NEDD4L: variants seen among roughly 807,000 people sequenced by gnomAD.
The protein encoded by NEDD4L is NEDD4 like E3 ubiquitin protein ligase, also known as E3 ubiquitin-protein ligase NEDD4-like.
Under a neutral mutation model 148.9 loss-of-function variants are expected in NEDD4L, and 54 were observed. That is an observed-to-expected ratio of 0.36 (90% CI 0.29 to 0.45). NEDD4L has a LOEUF of 0.45. NEDD4L is among the 20% of genes least tolerant of loss of function. The pLI is 1.00. For missense variants in NEDD4L, 856 were observed against 1,233.8 expected (o/e 0.69, Z 4.59); for synonymous variants, 433 against 440.7 (o/e 0.98, Z 0.22).
chr18:58,180,864 T>G (rs2038781470), intron 2 of NEDD4L, among the ~76,000 whole-genome samples: 1 of 152,372 alleles, frequency 6.6e-6, no homozygotes, highest in East Asian at 1.9e-4. Context: ...GTACAGCCTC[T>G]GTCACCTGAA....
At chr18:58,192,707 G>C (rs74466898) in intron 2 of NEDD4L, among the ~76,000 whole-genome samples, 52,514 of 151,772 alleles carry the variant, frequency 0.35, 10,589 homozygotes, top group African/African-American at 0.57. Flanking sequence ...CTGTCTCTTT[G>C]AGGGGAGTTC....
In NEDD4L at chr18:58,108,946, T is replaced by C. The variant is rs1186029583; in HGVS notation, c.49-56842T>C. On this transcript the variant is annotated intron_variant, in intron 1 of 30. Transcript: ENST00000400345. Reference sequence around the variant, plus strand: ...ATGGATGTGGAGGTTCTGTCCAGCATTGTGTCTTTCCCATGATAGGCACTT... The same window carrying C: ...ATGGATGTGGAGGTTCTGTCCAGCACTGTGTCTTTCCCATGATAGGCACTT... 3.9e-5 allele frequency among the ~76,000 whole-genome samples: 6 copies of C among 152,236 alleles called. 1 individual carries two copies. Among genetic ancestry groups the C allele is most frequent in the Non-Finnish European group, 7.3e-5 (5 of 68,044 alleles).
chr18:58,132,848 A>G (rs967625982), intron 1 of NEDD4L, among the ~76,000 whole-genome samples: 3 of 152,216 alleles, frequency 2.0e-5, no homozygotes, highest in Admixed American at 6.5e-5. Flanking sequence ...GTTCAAATGC[A>G]ATGGATGGAA....
intron 5 of NEDD4L, chr18:58,255,969 C>G (rs2048479038): frequency 8.1e-7 from 1 of 1,230,820 alleles, no homozygotes; most frequent in South Asian, 4.1e-5. Flanking sequence ...TGCGGGCCGC[C>G]CGAGGGCGCC....
chr18:58,253,542 C>A (rs1284421982), intron 5 of NEDD4L, among the ~76,000 whole-genome samples: 2 of 152,148 alleles, frequency 1.3e-5, no homozygotes, highest in Non-Finnish European at 2.9e-5. Flanking sequence ...CTCTCCATCT[C>A]TCATCCAGTG....
intron 1 of NEDD4L, among the ~76,000 whole-genome samples, chr18:58,162,650 C>CT (rs1255410470): frequency 3.3e-5 from 5 of 150,852 alleles, no homozygotes; most frequent in East Asian, 1.9e-4. Flanking sequence ...GGCAGGAACT[C>CT]TGTCTTGTTT....
intron 18 of NEDD4L, among the ~76,000 whole-genome samples, chr18:58,353,333 TG>T (rs1274385810): frequency 1.7e-4 from 26 of 152,374 alleles, no homozygotes; most frequent in African/African-American, 6.0e-4. Context: ...GTACAGAGCT[TG>T]ATGCAACTAA....
intron 1 of NEDD4L, among the ~76,000 whole-genome samples, chr18:58,096,771 A>C (rs1011913566): frequency 6.6e-6 from 1 of 152,204 alleles, no homozygotes; most frequent in Non-Finnish European, 1.5e-5. Context: ...AACCAACTCC[A>C]TGCTTATTTG....
At chr18:58,281,818 G>A (rs1329489760) in intron 5 of NEDD4L, among the ~76,000 whole-genome samples, 2 of 152,024 alleles carry the variant, frequency 1.3e-5, no homozygotes, top group Non-Finnish European at 2.9e-5. Context: ...GAGGTCAGGA[G>A]ATCGAGACCG....
At chr18:58,287,670 A>G (rs2149065843) in intron 5 of NEDD4L, among the ~76,000 whole-genome samples, 1 of 152,294 alleles carries the variant, frequency 6.6e-6, no homozygotes, top group East Asian at 1.9e-4. Flanking sequence ...TATCACGCAT[A>G]TTTCCCTTTG....
At chr18:58,242,443 G>A (rs2046746164) in intron 2 of NEDD4L, among the ~76,000 whole-genome samples, 1 of 152,084 alleles carries the variant, frequency 6.6e-6, no homozygotes, top group African/African-American at 2.4e-5. Context: ...AAGGGAGGAG[G>A]AGCCTGAGAG....
chr18:58,278,653 A>G (rs2052527267), intron 5 of NEDD4L, among the ~76,000 whole-genome samples: 1 of 152,094 alleles, frequency 6.6e-6, no homozygotes. Context: ...CCCTGTGTGC[A>G]GGAGCCTTCC....
At chr18:58,273,339 C>T (rs1289576775) in intron 5 of NEDD4L, among the ~76,000 whole-genome samples, 1 of 152,192 alleles carries the variant, frequency 6.6e-6, no homozygotes, top group Non-Finnish European at 1.5e-5. Context: ...ATGACACATC[C>T]ACATTTTCAC....
chr18:58,233,720 A>G (rs192032196), intron 2 of NEDD4L, among the ~76,000 whole-genome samples: 10 of 152,358 alleles, frequency 6.6e-5, no homozygotes, highest in African/African-American at 2.4e-4. Context: ...TAGGCCTGCC[A>G]TGGCAAAGCA....
chr18:58,300,877 A>G (rs1365424096), intron 5 of NEDD4L, among the ~76,000 whole-genome samples: 3 of 152,190 alleles, frequency 2.0e-5, no homozygotes, highest in Admixed American at 6.5e-5. Flanking sequence ...TGATTTACAG[A>G]TTATTAGAGA....
intron 2 of NEDD4L, among the ~76,000 whole-genome samples, chr18:58,227,394 C>T (rs889559480): frequency 3.3e-5 from 5 of 152,112 alleles, no homozygotes; most frequent in Non-Finnish European, 7.4e-5. Context: ...ACCTCCTGAT[C>T]GTGATTTTGG....
intron 2 of NEDD4L, among the ~76,000 whole-genome samples, chr18:58,229,489 G>T (rs1281471855): frequency 6.6e-6 from 1 of 152,152 alleles, no homozygotes; most frequent in Admixed American, 6.5e-5. Flanking sequence ...GTCTCTGTTT[G>T]TGCTAATGCT....
chr18:58,045,962 TC>T (rs2081560369), intron 1 of NEDD4L: 1 of 152,148 alleles, frequency 6.6e-6, no homozygotes, highest in Non-Finnish European at 1.5e-5. Context: ...GCGTTATGGC[TC>T]CGCTTTCTGC....
At position 58,373,221 on chromosome 18, in the gene NEDD4L, T is replaced by C; in HGVS notation, c.2304T>C (p.Pro768=). The C allele has an allele frequency of 4.4e-6, 7 of 1,580,410 alleles. No homozygotes were observed. The highest frequency in any genetic ancestry group is 2.3e-5 in the East Asian group (1 of 43,962). ...NSLKWILEND[P]TELDLMFCID... ...TGAAATGGATCCTGGAGAATGACCC[T>C]ACTGAGCTGGACCTCATGTTCTGCA... The change falls in exon 24 of 31, where the codon CCT becomes CCC. Residue 768 remains proline (P), a synonymous_variant. Transcript: ENST00000400345.
Sources: allele counts gnomAD v4.1 joint callset (sites outside exome capture counted in the v4.1 genomes callset), GRCh38; gene constraint gnomAD v4.1.1; transcripts MANE v1.5; gene names NCBI Gene and HGNC (gene_info 2026-07-23, HGNC 2026-07-21).